UACA: variants seen among roughly 807,000 people sequenced by gnomAD.
UACA encodes uveal autoantigen with coiled-coil domains and ankyrin repeats.
Under a neutral mutation model 160.5 loss-of-function variants are expected in UACA, and 112 were observed. That is an observed-to-expected ratio of 0.70 (90% confidence interval 0.60 to 0.82). The LOEUF (loss-of-function observed/expected upper bound fraction) is 0.82, where lower values mean the gene tolerates loss of function less well. UACA is among the 40% of genes least tolerant of loss of function. UACA has a pLI of 0.00. For synonymous variants in UACA, 557 were observed against 568.4 expected (o/e 0.98, Z 0.29); for missense variants, 1,574 against 1,614.6 (o/e 0.97, Z 0.43).
rs1896454501 is a variant in UACA, at chr15:70,655,486, C to T, written c.*1570G>A. 1 of 152,142 alleles carries T rather than the reference C, an allele frequency of 6.6e-6. No individual in the cohort carries two copies. Among genetic ancestry groups the T allele is most frequent in the African/African-American group, 2.4e-5 (1 of 41,408 alleles). The allele number at this position is 152,142 out of a possible 1,614,324, so 9.4% of individuals were successfully genotyped here. On this transcript the variant is annotated 3_prime_UTR_variant, in exon 19 of 19. Transcript: ENST00000322954. The stretch of plus-strand genomic sequence containing the variant: ...CAGGTGATCTACCTCCCTCAGCCTC[C>T]CAAAGTGCTGGGATTACAGGCATGA...
chr15:70,707,140 T>C (rs140405002), intron 1 of UACA, among the ~76,000 whole-genome samples: 83 of 152,246 alleles, frequency 5.5e-4, no homozygotes, highest in Admixed American at 1.5e-3. Flanking sequence ...CCTCATGTAA[T>C]AGTCAAATGA....
At chr15:70,710,044 G>A (rs972029899) in intron 1 of UACA, among the ~76,000 whole-genome samples, 3 of 152,116 alleles carry the variant, frequency 2.0e-5, no homozygotes, top group African/African-American at 7.2e-5. Flanking sequence ...GATCACTTGA[G>A]CCCAGGAGTT....
In UACA at chr15:70,667,874, T is replaced by C; in HGVS notation, c.2810A>G (p.Gln937Arg). 1 of 1,614,094 alleles carries C rather than the reference T, an allele frequency of 6.2e-7. No individual in the cohort carries two copies. Among genetic ancestry groups the C allele is most frequent in the Admixed American group, 1.7e-5 (1 of 59,970 alleles). The change falls in exon 16 of 19, where the codon CAG becomes CGG. Residue 937 changes from glutamine to arginine, a missense_variant. Transcript: ENST00000322954. ...EHEAKMSSLS[Q>R]SMRKVQDSNA... ...ACTATCCTGCACCTTTCTCATGCTCTGACTTAGCGAGCTCATCTTTGCCTC... is the reference window on the plus strand; with the variant it reads ...ACTATCCTGCACCTTTCTCATGCTCCGACTTAGCGAGCTCATCTTTGCCTC...
intron 17 of UACA, 36 bp from the exon 18 acceptor site, chr15:70,660,252 A>G (rs1396821917): frequency 1.9e-6 from 3 of 1,575,138 alleles, no homozygotes; most frequent in Middle Eastern, 1.7e-4. Context: ...TGTGACTATC[A>G]GCGTTCACAT....
At chr15:70,674,943 A>C (rs900577858) in intron 13 of UACA, among the ~76,000 whole-genome samples, 1 of 152,216 alleles carries the variant, frequency 6.6e-6, no homozygotes, top group African/African-American at 2.4e-5. Flanking sequence ...TCCTAGAAGA[A>C]ATACATACAT....
intron 1 of UACA, among the ~76,000 whole-genome samples, chr15:70,751,669 G>A (rs535025024): frequency 1.6e-4 from 24 of 152,272 alleles, no homozygotes; most frequent in Admixed American, 1.2e-3. Flanking sequence ...CACCCAAGAC[G>A]TGCAGGCTGC....
intron 9 of UACA, chr15:70,681,802 G>A (rs796796703): frequency 6.6e-6 from 1 of 152,176 alleles, no homozygotes; most frequent in Admixed American, 6.5e-5. Context: ...TTCATGATAA[G>A]TGCAGCAAAC....
At chr15:70,703,405 A>G in intron 1 of UACA, 1 of 523,668 alleles carries the variant, frequency 1.9e-6, no homozygotes, top group Non-Finnish European at 3.0e-6. Context: ...TAAATTTACA[A>G]CATTAGGCCC....
At chr15:70,660,365 T>C in intron 17 of UACA, 149 bp from the exon 18 acceptor site, 1 of 571,134 alleles carries the variant, frequency 1.8e-6, no homozygotes, top group Non-Finnish European at 3.1e-6. Context: ...ACCTACCAGA[T>C]GCAGAATTTC....
intron 17 of UACA, among the ~76,000 whole-genome samples, chr15:70,662,682 G>A (rs1246374860): frequency 6.6e-6 from 1 of 152,146 alleles, no homozygotes; most frequent in Non-Finnish European, 1.5e-5. Context: ...CAATGGAACA[G>A]AACAGAGCCC....
chr15:70,689,687 T>G (rs188085528), intron 5 of UACA, among the ~76,000 whole-genome samples: 1 of 152,250 alleles, frequency 6.6e-6, no homozygotes, highest in African/African-American at 2.4e-5. Flanking sequence ...TCCTTTGGCC[T>G]TATAGTTAAA....
intron 1 of UACA, among the ~76,000 whole-genome samples, chr15:70,706,455 C>T (rs1299762734): frequency 6.7e-6 from 1 of 148,452 alleles, no homozygotes; most frequent in African/African-American, 2.5e-5. Context: ...AAATAAAAGA[C>T]ATCCAAATCA....
chr15:70,666,447 T>C (rs1046867881), intron 16 of UACA, among the ~76,000 whole-genome samples: 2 of 152,226 alleles, frequency 1.3e-5, no homozygotes, highest in African/African-American at 4.8e-5. Flanking sequence ...ACAAACCCAC[T>C]GGCTTTTGAC....
chr15:70,721,397 G>A lies in UACA; in HGVS notation c.79-21737C>T, dbSNP rs189079245. 8.7e-3 allele frequency among the ~76,000 whole-genome samples: 1,331 copies of A among 152,254 alleles called. 23 individuals carry two copies. The highest frequency in any genetic ancestry group is 0.031 in the African/African-American group (1,281 of 41,550). ...TCCCAGCACTCTGGGAGGCCGAGGT[G>A]GGCGGATCACAAGGTCAGGAGATCG... On this transcript the variant is annotated intron_variant, in intron 1 of 18. Transcript: ENST00000322954.
At chr15:70,691,968 A>G (rs1435751027) in intron 3 of UACA, among the ~76,000 whole-genome samples, 1 of 152,212 alleles carries the variant, frequency 6.6e-6, no homozygotes, top group African/African-American at 2.4e-5. Context: ...AGAGGTTACC[A>G]GGTAATCTGA....
chr15:70,695,357 A>G (rs770184930), intron 2 of UACA, among the ~76,000 whole-genome samples: 37 of 152,204 alleles, frequency 2.4e-4, no homozygotes, highest in Non-Finnish European at 5.1e-4. Flanking sequence ...AAAAGCCTTA[A>G]TAAGAGAAAA....
At chr15:70,709,162 C>T (rs1898605714) in intron 1 of UACA, among the ~76,000 whole-genome samples, 1 of 152,098 alleles carries the variant, frequency 6.6e-6, no homozygotes, top group Non-Finnish European at 1.5e-5. Context: ...CCCATAATAT[C>T]AAATGAAAGC....
intron 1 of UACA, among the ~76,000 whole-genome samples, chr15:70,718,016 T>TAAAA (rs1239474032): frequency 1.4e-5 from 2 of 144,532 alleles, no homozygotes; most frequent in Non-Finnish European, 3.0e-5. Flanking sequence ...TTCCTTAAAA[T>TAAAA]AAATTTCTTT....
At chr15:70,726,292 G>A (rs919623237) in intron 1 of UACA, among the ~76,000 whole-genome samples, 1 of 151,800 alleles carries the variant, frequency 6.6e-6, no homozygotes, top group African/African-American at 2.4e-5. Context: ...ATGACAAAAG[G>A]CCTTCACCTG....
Sources: allele counts gnomAD v4.1 joint callset (sites outside exome capture counted in the v4.1 genomes callset), GRCh38; gene constraint gnomAD v4.1.1; transcripts MANE v1.5; gene names NCBI Gene and HGNC (gene_info 2026-07-23, HGNC 2026-07-21).